Variants in POLR1C observed in about 807,000 individuals in gnomAD.
The protein encoded by POLR1C is DNA-directed RNA polymerases I and III subunit RPAC1.
In POLR1C, 42 loss-of-function variants were observed where a neutral mutation model predicts 38.3. The observed-to-expected ratio is 1.10, with a 90% CI of 0.86 to 1.42. The LOEUF is 1.42. Among genes scored for constraint, POLR1C ranks in the 40% most tolerant of loss-of-function variants. POLR1C has a pLI of 0.00. For missense variants in POLR1C, 507 were observed against 450.5 expected (o/e 1.13, Z -1.14); for synonymous variants, 163 against 163.9 (o/e 0.99, Z 0.04).
intron 9 of POLR1C, among the ~76,000 whole-genome samples, chr6:43,537,111 T>A (rs1278087371): frequency 6.6e-6 from 1 of 151,592 alleles, no homozygotes; most frequent in Non-Finnish European, 1.5e-5. Flanking sequence ...GGACTATAAG[T>A]GTGCACCACC....
At chr6:43,561,786 C>A in exon 11 of POLR1C, 1 of 154,296 alleles carries the variant, frequency 6.5e-6, no homozygotes, top group South Asian at 2.0e-4. Flanking sequence ...TATCTTCCAA[C>A]TTATAAGACT....
At chr6:43,544,866 A>ATTATTTAT (rs151137102) in intron 9 of POLR1C, among the ~76,000 whole-genome samples, 9 of 151,800 alleles carry the variant, frequency 5.9e-5, no homozygotes, top group African/African-American at 2.2e-4. Context: ...AAAAGAAAAT[A>ATTATTTAT]TTATTTATTT....
chr6:43,526,743 A>G (rs1271200059), intron 8 of POLR1C: 8 of 1,613,810 alleles, frequency 5.0e-6, no homozygotes, highest in Non-Finnish European at 6.8e-6. Flanking sequence ...AAACACAGCA[A>G]ACCGCTAAAG....
At chr6:43,525,287 G>T, downstream of POLR1C, 1 of 1,394,266 alleles carries the variant, frequency 7.2e-7, no homozygotes, top group Non-Finnish European at 9.7e-7. Flanking sequence ...TACACATCAG[G>T]AGCCGGAGGG....
chr6:43,522,629 T>C, downstream of POLR1C: 1 of 409,208 alleles, frequency 2.4e-6, no homozygotes, highest in Non-Finnish European at 5.4e-6. Flanking sequence ...TCCCCAGCTT[T>C]GCTTCTTCTC....
chr6:43,538,319 T>C (rs1369317018), intron 9 of POLR1C, among the ~76,000 whole-genome samples: 1 of 151,572 alleles, frequency 6.6e-6, no homozygotes, highest in Non-Finnish European at 1.5e-5. Flanking sequence ...CTGGTTACTT[T>C]TTTAAATTTT....
At chr6:43,528,810 TC>T in intron 8 of POLR1C, 1 of 1,610,956 alleles carries the variant, frequency 6.2e-7, no homozygotes, top group Non-Finnish European at 8.5e-7. Flanking sequence ...TGCTTCCTGT[TC>T]CTGACTTATC....
At chr6:43,556,887 G>A (rs192448651) in intron 10 of POLR1C, among the ~76,000 whole-genome samples, 2 of 152,152 alleles carry the variant, frequency 1.3e-5, no homozygotes. Context: ...CAGCACTTTG[G>A]GACGCCAAGG....
At chr6:43,548,201 C>A in intron 9 of POLR1C, 1 of 1,492,188 alleles carries the variant, frequency 6.7e-7, no homozygotes. Context: ...CTGGGCCTAG[C>A]TCTTAAACCA....
At position 43,561,124 on chromosome 6, in the gene POLR1C, CTTTGT is replaced by C. The variant is rs1391954097; in HGVS notation, c.*49-275_*49-271del. ...CTCAAAAAATGTTGTTTCAAAAGGA[CTTTGT>C]ATTTCCTTTTGGCTAAAGAAAGGCA... is the stretch of plus-strand genomic sequence containing the variant. On this transcript the variant is annotated intron_variant, in intron 10 of 10. Transcript: ENST00000607635. The C allele has an allele frequency of 7.4e-5, 61 of 827,784 alleles. No individual in the cohort carries two copies. In the East Asian group the frequency reaches 1.4e-3, roughly 20 times the overall value. The allele number at this position is 827,784 out of a possible 1,614,324, so 51.3% of individuals were successfully genotyped here. A position where few individuals can be genotyped will look rare whatever the true frequency, so the allele number is the denominator to read the frequency against.
rs1421239780 is a variant in POLR1C, at chr6:43,543,401, C to T, written c.*5-7567C>T. Among the ~76,000 whole-genome samples, 5 of 152,066 alleles carry T rather than the reference C, an allele frequency of 3.3e-5. No homozygotes were observed. The South Asian group carries it at 8.3e-4, about 25-fold the overall frequency. On this transcript the variant is annotated intron_variant, in intron 9 of 10. Transcript: ENST00000607635. ...CCATGAGGTCGAGGCTGCAGTGAGC[C>T]GTGATCGCAACACTGCACCCCAACC...
At chr6:43,528,684 T>C (rs1029296579) in intron 8 of POLR1C, 5 of 742,448 alleles carry the variant, frequency 6.7e-6, no homozygotes, top group Non-Finnish European at 1.1e-5. Flanking sequence ...ACAGCAAGGA[T>C]AGTCAGCTGG....
Position 43,528,287 on chromosome 6 carries a change from G to A in POLR1C, c.923-962G>A, listed in dbSNP as rs1025861528. On this transcript the variant is annotated intron_variant, in intron 8 of 8. Coordinates refer to the POLR1C transcript ENST00000304004. Reference sequence around the variant, plus strand: ...ATATCTAAAGTCAAGTCCACTTCATGATTAAAATTAGCCAAGGATGATTCT... The same window carrying A: ...ATATCTAAAGTCAAGTCCACTTCATAATTAAAATTAGCCAAGGATGATTCT... The A allele has an allele frequency of 4.3e-6, 6 of 1,403,404 alleles. No homozygotes were observed. The Admixed American group carries it at 1.2e-4, about 28-fold the overall frequency. The allele number at this position is 1,403,404 out of a possible 1,614,324, so 86.9% of individuals were successfully genotyped here. A position where few individuals can be genotyped will look rare whatever the true frequency, so the allele number is the denominator to read the frequency against.
rs915551971 is a variant in POLR1C, at chr6:43,560,975, G to C, written c.*49-425G>C. The C allele has an allele frequency of 6.2e-7, 1 of 1,613,824 alleles. No individual in the cohort carries two copies. Among genetic ancestry groups the C allele is most frequent in the African/African-American group, 1.3e-5 (1 of 74,944 alleles). On this transcript the variant is annotated intron_variant, in intron 10 of 10. Transcript: ENST00000607635. ...GAAAAGATTCCAGGTATTTTCCAAA[G>C]TTTGATGGTGTTTCTACATCAGAAT...
At chr6:43,540,389 G>T (rs1357909329) in intron 9 of POLR1C, among the ~76,000 whole-genome samples, 1 of 152,232 alleles carries the variant, frequency 6.6e-6, no homozygotes, top group Non-Finnish European at 1.5e-5. Context: ...TGAAGCAGGA[G>T]AATGCCGTGA....
At chr6:43,543,710 T>C (rs1262879191) in intron 9 of POLR1C, among the ~76,000 whole-genome samples, 1 of 152,024 alleles carries the variant, frequency 6.6e-6, no homozygotes, top group Non-Finnish European at 1.5e-5. Flanking sequence ...TCTTCCCTGT[T>C]GCCCAGGGAC....
chr6:43,551,570 T>C, intron 10 of POLR1C: 1 of 1,270,434 alleles, frequency 7.9e-7, no homozygotes, highest in Non-Finnish European at 1.1e-6. Flanking sequence ...TCACCTAGGC[T>C]GGAGTGCACA....
At chr6:43,539,827 T>G in intron 9 of POLR1C, 1 of 525,876 alleles carries the variant, frequency 1.9e-6, no homozygotes, top group Non-Finnish European at 3.3e-6. Context: ...AGGCCTGGAG[T>G]TTTTTGGTCT....
intron 9 of POLR1C, chr6:43,549,506 A>C: frequency 6.2e-7 from 1 of 1,612,752 alleles, no homozygotes; most frequent in South Asian, 1.1e-5. Context: ...AGCTGGGGGT[A>C]GTCACGACAC....
Sources: allele counts gnomAD v4.1 joint callset (sites outside exome capture counted in the v4.1 genomes callset), GRCh38; gene constraint gnomAD v4.1.1; transcripts MANE v1.5; gene names NCBI Gene and HGNC (gene_info 2026-07-23, HGNC 2026-07-21).